The following HMG20B variants were observed in gnomAD, a reference collection of about 807,000 sequenced individuals.
HMG20B encodes SWI/SNF-related matrix-associated actin-dependent regulator of chromatin subfamily E member 1-related.
HMG20B carries 24 observed loss-of-function variants against 41.6 expected under a neutral mutation model. That is an observed-to-expected ratio of 0.58 (90% CI 0.42 to 0.81). The LOEUF is 0.81. Among genes scored for constraint, HMG20B ranks in the 30% least tolerant of loss-of-function variants. HMG20B has a pLI of 0.00. For synonymous variants in HMG20B, 251 were observed against 186.6 expected (o/e 1.34, Z -2.81); for missense variants, 461 against 444.0 (o/e 1.04, Z -0.34).
chr19:3,573,994 C>G (rs1363764795), intron 3 of HMG20B, 194 bp downstream of exon 3: 13 of 702,656 alleles, frequency 1.9e-5, no homozygotes, highest in Middle Eastern at 4.6e-4. Context: ...GCCCCGCCCA[C>G]CGCACAATGC....
At chr19:3,576,797 G>T in intron 7 of HMG20B, 95 bp from the exon 8 acceptor site, 1 of 1,412,712 alleles carries the variant, frequency 7.1e-7, no homozygotes, top group Non-Finnish European at 9.7e-7. Flanking sequence ...AGAGGGCGCA[G>T]TGAGGGAAAC....
In HMG20B at chr19:3,573,315, C is replaced by T. The variant is rs2032081584; in HGVS notation, c.6C>T (p.Ser2=). 3.3e-6 allele frequency: 5 copies of T among 1,531,402 alleles called. No homozygotes were observed. In the African/African-American group the frequency reaches 4.2e-5, roughly 13 times the overall value. 94.9% of individuals were successfully genotyped at this position (1,531,402 alleles called of 1,614,324 possible). A position where few individuals can be genotyped will look rare whatever the true frequency, so the allele number is the denominator to read the frequency against. The change falls in exon 2 of 10, where the codon TCC becomes TCT. Residue 2 remains serine (S), a synonymous_variant. Transcript: ENST00000333651. The part of the protein sequence containing the change: M[S]HGPKQPGAAA... Reference sequence around the variant, plus strand: ...AGGTCCGGCCCGGAGCGGCCATGTCCCACGGCCCCAAGCAGCCCGGCGCGG... The same window carrying T: ...AGGTCCGGCCCGGAGCGGCCATGTCTCACGGCCCCAAGCAGCCCGGCGCGG...
chr19:3,574,678 T>A lies in HMG20B; in HGVS notation c.351+92T>A, dbSNP rs1009426312. ...CCCAAAGGATTCCACGTGCAGGGTT[T>A]TTCCTTCTTCCTGGAGAAATGCCCA... On this transcript the variant is annotated intron_variant, in intron 4 of 9. Coordinates refer to ENST00000333651, the MANE Select transcript of HMG20B (RefSeq NM_006339.3). 6 of 1,228,950 alleles carry A rather than the reference T, an allele frequency of 4.9e-6. No individual in the cohort carries two copies. The African/African-American group carries it at 9.2e-5, about 19-fold the overall frequency. 76.1% of individuals were successfully genotyped at this position (1,228,950 alleles called of 1,614,324 possible). A position where few individuals can be genotyped will look rare whatever the true frequency, so the allele number is the denominator to read the frequency against.
intron 8 of HMG20B, 151 bp from the exon 9 acceptor site, chr19:3,577,830 T>C: frequency 1.5e-6 from 1 of 688,732 alleles, no homozygotes; most frequent in Non-Finnish European, 2.3e-6. Context: ...CCGGCTTACC[T>C]TAGCCCACCC....
intron 3 of HMG20B, chr19:3,574,047 G>T: frequency 1.5e-6 from 1 of 656,826 alleles, no homozygotes; most frequent in South Asian, 1.6e-5. Flanking sequence ...CCACTCCTTG[G>T]GGGCGGCACC....
intron 3 of HMG20B, chr19:3,574,039 A>G: frequency 1.5e-6 from 1 of 656,784 alleles, no homozygotes; most frequent in South Asian, 1.6e-5. Context: ...GCCCACTTCC[A>G]CTCCTTGGGG....
intron 7 of HMG20B, 79 bp from the exon 8 acceptor site, chr19:3,576,813 C>A: frequency 6.8e-7 from 1 of 1,472,398 alleles, no homozygotes; most frequent in Non-Finnish European, 9.2e-7. Flanking sequence ...GAAACCTGGG[C>A]AGGGGCACGT....
intron 4 of HMG20B, 122 bp downstream of exon 4, chr19:3,574,708 T>A (rs1006727837): frequency 9.8e-5 from 75 of 769,200 alleles, no homozygotes; most frequent in Non-Finnish European, 1.4e-4. Context: ...TGCCCACCCA[T>A]AACCAACTTT....
Position 3,573,678 on chromosome 19 carries a change from A to G in HMG20B, c.39-14A>G. 1 of 1,493,194 alleles carries G rather than the reference A, an allele frequency of 6.7e-7. No homozygotes were observed. The highest frequency in any genetic ancestry group is 8.9e-7 in the Non-Finnish European group (1 of 1,126,392). The allele number at this position is 1,493,194 out of a possible 1,614,324, so 92.5% of individuals were successfully genotyped here. On this transcript the variant is annotated splice_polypyrimidine_tract_variant and intron_variant, in intron 2 of 9. Transcript: ENST00000333651. ...TTCTTGGGACGGGGCTGACCGCGGT[A>G]TCCTTGGCTCCAGGCCGGCGGGCGG... is the stretch of plus-strand genomic sequence containing the variant.
At chr19:3,577,174 C>A in intron 8 of HMG20B, 67 bp downstream of exon 8, 1 of 1,139,158 alleles carries the variant, frequency 8.8e-7, no homozygotes, top group Admixed American at 2.9e-5. Flanking sequence ...CCCCCCCCTC[C>A]TCCCTTCCCC....
chr19:3,576,830 CA>C, intron 7 of HMG20B, 61 bp from the exon 8 acceptor site: 1 of 1,527,668 alleles, frequency 6.5e-7, no homozygotes, highest in Non-Finnish European at 8.9e-7. Context: ...ACGTCCCGGG[CA>C]AAAGCCCGGA....
chr19:3,577,982 C>A lies in HMG20B; in HGVS notation c.810C>A (p.Gly270=), dbSNP rs1449887138. Residue 270 remains glycine (G), a splice_region_variant and synonymous_variant, in exon 9 of 10, where the codon GGC becomes GGA. Coordinates refer to ENST00000333651, the MANE Select transcript of HMG20B (RefSeq NM_006339.3). The part of the protein sequence containing the change: ...TASFASLPVP[G]TGETPTLGTL... ...CTGACCTTCCCGCCTGTCCCCCAGG[C>A]ACGGGCGAAACGCCCACGCTGGGCA... 2 of 1,595,272 alleles carry A rather than the reference C, an allele frequency of 1.3e-6. No individual in the cohort carries two copies. The highest frequency in any genetic ancestry group is 1.7e-6 in the Non-Finnish European group (2 of 1,173,816).
In HMG20B at chr19:3,574,508, C is replaced by T. The variant is rs746921745; in HGVS notation, c.273C>T (p.Arg91=). ...LNERREQIRT[R]HPDLPFPEIT... Reference sequence around the variant, plus strand: ...AGCGGCGCGAGCAGATCCGCACGCGCCACCCGGATCTGCCCTTTCCCGAGA... The same window carrying T: ...AGCGGCGCGAGCAGATCCGCACGCGTCACCCGGATCTGCCCTTTCCCGAGA... Residue 91 remains arginine, a synonymous_variant, in exon 4 of 10, where the codon CGC becomes CGT. Transcript: ENST00000333651. The T allele has an allele frequency of 5.6e-6, 9 of 1,605,914 alleles. No individual in the cohort carries two copies. The South Asian group carries it at 7.8e-5, about 14-fold the overall frequency.
chr19:3,573,594 C>T, intron 2 of HMG20B, 98 bp from the exon 3 acceptor site: 1 of 1,144,460 alleles, frequency 8.7e-7, no homozygotes. Context: ...TGCACTCTCG[C>T]TGCAGCCCCG....
chr19:3,575,501 G>A (rs1473827733), intron 4 of HMG20B, 39 bp from the exon 5 acceptor site: 4 of 1,556,874 alleles, frequency 2.6e-6, no homozygotes, highest in Non-Finnish European at 3.5e-6. Flanking sequence ...TGGCGTTGGA[G>A]GCTTCCCCTG....
rs200644468 is a variant in HMG20B at position 3,578,512 on chromosome 19, G to A, written c.945G>A (p.Glu315=). 3.3e-4 allele frequency: 510 copies of A among 1,555,886 alleles called. 2 individuals are homozygous for A. In the African/African-American group the frequency reaches 5.4e-3, roughly 16 times the overall value. The change falls in exon 10 of 10, where the codon GAG becomes GAA. Residue 315 remains glutamate, a synonymous_variant. Coordinates refer to ENST00000333651, the MANE Select transcript of HMG20B (RefSeq NM_006339.3). ...GGGCCCTCCTCTCTCGTTTCAGCGAGCACCTGTGAGGAGTGGGCGGGCCCA... is the reference window on the plus strand; with the variant it reads ...GGGCCCTCCTCTCTCGTTTCAGCGAACACCTGTGAGGAGTGGGCGGGCCCA... ...IKEILAQVAS[E]HL is the part of the protein sequence containing the mutation.
rs1048634975 is a variant in HMG20B, at chr19:3,578,769, C to T, written c.*248C>T. 1 of 749,704 alleles carries T rather than the reference C, an allele frequency of 1.3e-6. No homozygotes were observed. The highest frequency in any genetic ancestry group is 2.4e-6 in the Non-Finnish European group (1 of 415,168). 46.4% of individuals were successfully genotyped at this position (749,704 alleles called of 1,614,324 possible). ...GAAGAACCTCACAGCCGAGGGTGCC[C>T]CTCCTCGGAGGACAGCCACGCGCTA... On this transcript the variant is annotated 3_prime_UTR_variant, in exon 10 of 10. Transcript: ENST00000333651.
intron 2 of HMG20B, 96 bp downstream of exon 2, chr19:3,573,443 G>T (rs1277932042): frequency 1.1e-5 from 14 of 1,308,266 alleles, no homozygotes; most frequent in Non-Finnish European, 1.4e-5. Flanking sequence ...CCGGAGTCTT[G>T]ACTCCCCCAC....
At chr19:3,578,349 G>A in intron 9 of HMG20B, 160 bp from the exon 10 acceptor site, 1 of 1,209,230 alleles carries the variant, frequency 8.3e-7, no homozygotes, top group Non-Finnish European at 1.1e-6. Flanking sequence ...GCTTCTCAGG[G>A]TGGATCCCAG....
Sources: gnomAD v4.1 joint callset for allele counts on GRCh38, gnomAD v4.1.1 for gene constraint, MANE v1.5 for transcripts, NCBI Gene and HGNC (gene_info 2026-07-23, HGNC 2026-07-21) for gene names.